The following ZNF474 variants were observed in gnomAD, a reference collection of about 807,000 sequenced individuals.
ZNF474 encodes the protein 4933409D10Rik.
For synonymous variants in ZNF474, 192 were observed against 162.2 expected, an observed-to-expected ratio of 1.18 and a Z score of -1.39; for missense variants, 511 against 433.8, an observed-to-expected ratio of 1.18 and a Z score of -1.58.
intron 1 of ZNF474, among the ~76,000 whole-genome samples, chr5:122,141,636 C>G (rs1755848592): frequency 6.6e-6 from 1 of 151,644 alleles, no homozygotes; most frequent in Non-Finnish European, 1.5e-5. Context: ...GATGAGGTTT[C>G]ACCATGTTGG....
chr5:122,137,772 T>C (rs1266233456), intron 1 of ZNF474, among the ~76,000 whole-genome samples: 1 of 152,140 alleles, frequency 6.6e-6, no homozygotes, highest in African/African-American at 2.4e-5. Flanking sequence ...AGAGGTTGGA[T>C]TTTATTTTGA....
At chr5:122,138,476 G>A (rs1755760438) in intron 1 of ZNF474, among the ~76,000 whole-genome samples, 1 of 152,182 alleles carries the variant, frequency 6.6e-6, no homozygotes, top group African/African-American at 2.4e-5. Flanking sequence ...TTATTTTAGT[G>A]AAATTATTGT....
In ZNF474 at chr5:122,153,239, CA is replaced by C; in HGVS notation, c.*155del. On this transcript the variant is annotated 3_prime_UTR_variant, in exon 2 of 2. Transcript: ENST00000296600. Reference sequence around the variant, plus strand: ...TCTCTTGGCTGAATAGATATAAGAACATCCTTGCCTGATGGGTTCATATTCC... The same window carrying C: ...TCTCTTGGCTGAATAGATATAAGAACTCCTTGCCTGATGGGTTCATATTCC... The C allele has an allele frequency of 1.1e-6, 1 of 893,084 alleles. No individual in the cohort carries two copies. The highest frequency in any genetic ancestry group is 1.7e-6 in the Non-Finnish European group (1 of 603,798). 55.3% of individuals were successfully genotyped at this position (893,084 alleles called of 1,614,324 possible).
chr5:122,130,079 A>C (rs1312390964), intron 1 of ZNF474, among the ~76,000 whole-genome samples: 1 of 152,204 alleles, frequency 6.6e-6, no homozygotes, highest in African/African-American at 2.4e-5. Context: ...TTTAACATTA[A>C]TTCAGAACTA....
intron 1 of ZNF474, among the ~76,000 whole-genome samples, chr5:122,130,863 G>A (rs1580593364): frequency 6.6e-6 from 1 of 152,010 alleles, no homozygotes; most frequent in Admixed American, 6.6e-5. Flanking sequence ...GAATGCTTGA[G>A]ATCTACTATC....
At chr5:122,149,390 C>T (rs1360034588) in intron 1 of ZNF474, among the ~76,000 whole-genome samples, 1 of 152,214 alleles carries the variant, frequency 6.6e-6, no homozygotes, top group Non-Finnish European at 1.5e-5. Context: ...GAGGCTTCTC[C>T]TCTGTGCCTT....
chr5:122,149,921 G>C (rs1226234625), intron 1 of ZNF474, among the ~76,000 whole-genome samples: 1 of 137,858 alleles, frequency 7.3e-6, no homozygotes, highest in African/African-American at 2.9e-5. Flanking sequence ...GTGCGCGCGT[G>C]AGAGAGAGAG....
In ZNF474 at chr5:122,152,009, A is replaced by G. The variant is rs1283568767; in HGVS notation, c.19A>G (p.Lys7Glu). 2 of 1,609,520 alleles carry G rather than the reference A, an allele frequency of 1.2e-6. No homozygotes were observed. The highest frequency in any genetic ancestry group is 2.7e-5 in the African/African-American group (2 of 74,442). MERGKK[K>E]RISNKLQQTF... is the part of the protein sequence containing the mutation. ...TTTGTTAATGGAAAGAGGAAAGAAG[A>G]AAAGAATTTCCAATAAGTTACAACA... The change falls in exon 2 of 2, where the codon AAA becomes GAA. Residue 7 changes from lysine (K) to glutamate (E), a missense_variant. Coordinates refer to ENST00000296600, the MANE Select transcript of ZNF474 (RefSeq NM_207317.3).
At chr5:122,131,587 A>G (rs1755578125) in intron 1 of ZNF474, among the ~76,000 whole-genome samples, 1 of 152,032 alleles carries the variant, frequency 6.6e-6, no homozygotes, top group South Asian at 2.1e-4. Flanking sequence ...GATCTCACTT[A>G]TATGTGGGGA....
At chr5:122,137,178 T>C (rs1435234695) in intron 1 of ZNF474, among the ~76,000 whole-genome samples, 1 of 151,928 alleles carries the variant, frequency 6.6e-6, no homozygotes, top group Non-Finnish European at 1.5e-5. Flanking sequence ...GGTGGGTGTG[T>C]AAGTGTGTGT....
At chr5:122,132,159 T>C (rs886227008) in intron 1 of ZNF474, among the ~76,000 whole-genome samples, 1 of 152,100 alleles carries the variant, frequency 6.6e-6, no homozygotes, top group East Asian at 1.9e-4. Context: ...TGTATATTAG[T>C]AGTTTGTTCA....
At chr5:122,139,863 C>A (rs531964351) in intron 1 of ZNF474, among the ~76,000 whole-genome samples, 10 of 152,250 alleles carry the variant, frequency 6.6e-5, no homozygotes, top group Admixed American at 2.0e-4. Context: ...TTTAAGGCAG[C>A]TTAGGAGTTA....
intron 1 of ZNF474, 40 bp from the exon 2 acceptor site, chr5:122,151,739 T>TG: frequency 3.1e-6 from 1 of 319,868 alleles, no homozygotes; most frequent in Non-Finnish European, 5.5e-6. Context: ...GTGTGTGTGT[T>TG]TACATAATAA....
rs55769824 is a variant in ZNF474 at position 122,152,865 on chromosome 5, G to A, written c.875G>A (p.Arg292Gln). Residue 292 changes from arginine to glutamine, a missense_variant, in exon 2 of 2, where the codon CGA becomes CAA. Physicochemically the swap from Arg to Gln is conservative, Grantham distance 43 (BLOSUM62 1). Transcript: ENST00000296600. Reference protein sequence around the residue: ...AQLVFCPHCSRIFTSDRLLVH... With the variant: ...AQLVFCPHCSQIFTSDRLLVH... ...CTTGTGTTCTGCCCACATTGTAGCC[G>A]AATCTTTACCTCAGACCGCCTCCTG... 7.1e-4 allele frequency: 1,140 copies of A among 1,614,082 alleles called. 7 individuals are homozygous for A. The African/African-American group carries it at 0.012, about 16-fold the overall frequency.
intron 1 of ZNF474, among the ~76,000 whole-genome samples, chr5:122,130,460 T>A (rs1053020979): frequency 2.0e-5 from 3 of 152,214 alleles, no homozygotes; most frequent in Non-Finnish European, 4.4e-5. Flanking sequence ...CAGACTGACG[T>A]CTCTGGCTCA....
In ZNF474 at chr5:122,152,797, T is replaced by A; in HGVS notation, c.807T>A (p.Leu269=). 1 of 1,614,066 alleles carries A rather than the reference T, an allele frequency of 6.2e-7. No homozygotes were observed. The highest frequency in any genetic ancestry group is 8.5e-7 in the Non-Finnish European group (1 of 1,180,010). The part of the protein sequence containing the change: ...HQPLPQKPQP[L]PNAQSSQAGP... ...CACTCCCACAGAAGCCTCAGCCCCT[T>A]CCGAATGCACAGTCCAGCCAAGCGG... Residue 269 remains leucine, a synonymous_variant, in exon 2 of 2, where the codon CTT becomes CTA. Transcript: ENST00000296600.
intron 1 of ZNF474, among the ~76,000 whole-genome samples, chr5:122,142,992 G>A (rs572928780): frequency 6.6e-6 from 1 of 152,166 alleles, no homozygotes; most frequent in Non-Finnish European, 1.5e-5. Flanking sequence ...ATTTTCCTCA[G>A]AAACAGCTTT....
At chr5:122,141,169 TA>T (rs1561439603) in intron 1 of ZNF474, among the ~76,000 whole-genome samples, 4,567 of 31,690 alleles carry the variant, frequency 0.14, 239 homozygotes, top group East Asian at 0.3. Flanking sequence ...TATTTTATTT[TA>T]TTTTTGGAAA....
At chr5:122,141,271 C>T (rs1208608028) in intron 1 of ZNF474, among the ~76,000 whole-genome samples, 2 of 146,844 alleles carry the variant, frequency 1.4e-5, no homozygotes, top group African/African-American at 2.6e-5. Context: ...ATGCTTCAGA[C>T]ACCCGAGTAG....
Sources: gnomAD v4.1 joint callset for allele counts (sites outside exome capture counted in the v4.1 genomes callset) on GRCh38, gnomAD v4.1.1 for gene constraint, MANE v1.5 for transcripts, NCBI Gene and HGNC (gene_info 2026-07-23, HGNC 2026-07-21) for gene names.